The following PTPRD variants were observed in gnomAD, a reference collection of about 807,000 sequenced individuals.
The protein encoded by PTPRD is protein tyrosine phosphatase receptor type D.
PTPRD carries 34 observed loss-of-function variants against 214.5 expected under a neutral mutation model. That is an observed-to-expected ratio of 0.16 (90% CI 0.12 to 0.21). The LOEUF (loss-of-function observed/expected upper bound fraction) is 0.21. PTPRD is among the 10% of genes least tolerant of loss of function. The pLI, the probability that PTPRD is intolerant of heterozygous loss-of-function variation, is 1.00. For missense variants in PTPRD, 2,545 were observed against 2,398.7 expected (o/e 1.06, Z -1.27); for synonymous variants, 1,128 against 845.7 (o/e 1.33, Z -5.79).
chr9:9,944,427 G>A (rs185083731), intron 4 of PTPRD, among the ~76,000 whole-genome samples: 3 of 152,008 alleles, frequency 2.0e-5, no homozygotes, highest in Non-Finnish European at 2.9e-5. Flanking sequence ...CAAATAAAAT[G>A]CACACACATT....
At chr9:9,386,315 C>T (rs2063851374) in intron 9 of PTPRD, among the ~76,000 whole-genome samples, 1 of 152,054 alleles carries the variant, frequency 6.6e-6, no homozygotes, top group South Asian at 2.1e-4. Flanking sequence ...TGCTAAAATG[C>T]CTCACATTGA....
intron 7 of PTPRD, among the ~76,000 whole-genome samples, chr9:9,646,302 G>GGTGTGTGTGTGTGTGGGTGT (rs1564282555): frequency 1.4e-5 from 2 of 142,404 alleles, no homozygotes; most frequent in African/African-American, 5.4e-5. Context: ...TTTTGGGAGG[G>GGTGTGTGTGTGTGTGGGTGT]GTGTGTGTGT....
At chr9:9,687,881 C>A (rs2803367) in intron 7 of PTPRD, among the ~76,000 whole-genome samples, 22,432 of 151,702 alleles carry the variant, frequency 0.15, 1,971 homozygotes, top group East Asian at 0.21. Flanking sequence ...CCCCACCCAA[C>A]TCTTATCTCG....
At chr9:8,647,092 T>C (rs894057629) in intron 12 of PTPRD, among the ~76,000 whole-genome samples, 2 of 152,300 alleles carry the variant, frequency 1.3e-5, no homozygotes, top group African/African-American at 4.8e-5. Flanking sequence ...AGCTGGCAAA[T>C]GTAGCACAGC....
Position 8,315,939 on chromosome 9 carries a change from CATATAT to C in PTPRD, c.*1929_*1934del, listed in dbSNP as rs4008232. On this transcript the variant is annotated 3_prime_UTR_variant, in exon 46 of 46. Coordinates refer to ENST00000381196, the MANE Select transcript of PTPRD (RefSeq NM_002839.4). ...TGTTGGAAGAATTGGGGGTAAGATA[CATATAT>C]ATATATAGTTTATTTCCCCTTTTAG... is the stretch of plus-strand genomic sequence containing the variant. The C allele has an allele frequency of 4.5e-6, 1 of 223,150 alleles. No homozygotes were observed. Among genetic ancestry groups the C allele is most frequent in the Non-Finnish European group, 8.9e-6 (1 of 112,222 alleles). The allele number at this position is 223,150 out of a possible 1,614,324, so 13.8% of individuals were successfully genotyped here.
At chr9:10,560,072 G>T (rs1306325666) in intron 2 of PTPRD, among the ~76,000 whole-genome samples, 1 of 152,108 alleles carries the variant, frequency 6.6e-6, no homozygotes, top group East Asian at 1.9e-4. Context: ...ATACCCAAAG[G>T]ACTATAAATC....
chr9:9,312,667 G>C (rs1454327081), intron 9 of PTPRD, among the ~76,000 whole-genome samples: 1 of 152,164 alleles, frequency 6.6e-6, no homozygotes, highest in South Asian at 2.1e-4. Flanking sequence ...GTGGGTTCCT[G>C]TGTTGTGCCC....
At chr9:8,636,675 G>A (rs1227976040) in intron 13 of PTPRD, 24 bp downstream of exon 13, 2 of 1,611,066 alleles carry the variant, frequency 1.2e-6, no homozygotes, top group Admixed American at 1.7e-5. Context: ...TTCCCCCAGA[G>A]AAACAGAACA....
In PTPRD at chr9:9,703,062, G is replaced by A. The variant is rs575221454; in HGVS notation, c.-287+31471C>T. On this transcript the variant is annotated intron_variant, in intron 7 of 45. Transcript: ENST00000381196. ...GTAATCCTCATAATCCTCAGGTGTT[G>A]AGGGAAGAACTGATAAGAGGTGATT... is the stretch of plus-strand genomic sequence containing the variant. Among the ~76,000 whole-genome samples, 3 of 152,250 alleles carry A rather than the reference G, an allele frequency of 2.0e-5. No individual in the cohort carries two copies. The South Asian group carries it at 6.2e-4, about 32-fold the overall frequency.
At chr9:8,702,657 C>G (rs1481154345) in intron 12 of PTPRD, among the ~76,000 whole-genome samples, 1 of 152,126 alleles carries the variant, frequency 6.6e-6, no homozygotes, top group Non-Finnish European at 1.5e-5. Context: ...TATGTCGCCC[C>G]AGCTGGAGTG....
intron 4 of PTPRD, among the ~76,000 whole-genome samples, chr9:10,001,373 T>G (rs1257395480): frequency 6.6e-6 from 1 of 152,142 alleles, no homozygotes; most frequent in East Asian, 1.9e-4. Flanking sequence ...GTCAAAAGTT[T>G]CCCAAATTTG....
At chr9:8,807,881 A>G (rs985430268) in intron 11 of PTPRD, among the ~76,000 whole-genome samples, 1 of 152,174 alleles carries the variant, frequency 6.6e-6, no homozygotes, top group Non-Finnish European at 1.5e-5. Flanking sequence ...TGGCGAGACA[A>G]GGCAAAATGG....
At chr9:10,105,069 C>G in intron 3 of PTPRD, among the ~76,000 whole-genome samples, 1 of 151,938 alleles carries the variant, frequency 6.6e-6, no homozygotes, top group African/African-American at 2.4e-5. Flanking sequence ...CTTTCCTGAA[C>G]TAGCCTTTGT....
At chr9:8,815,991 G>C (rs867094963) in intron 11 of PTPRD, among the ~76,000 whole-genome samples, 1 of 152,156 alleles carries the variant, frequency 6.6e-6, no homozygotes, top group East Asian at 1.9e-4. Context: ...TAACAGAGCA[G>C]ACATTTACCC....
At chr9:8,986,917 C>T (rs1270021215) in intron 11 of PTPRD, among the ~76,000 whole-genome samples, 1 of 152,006 alleles carries the variant, frequency 6.6e-6, no homozygotes. Flanking sequence ...TTGTCTGTCT[C>T]TGAGGACTAA....
rs924867817 is a variant in PTPRD, at chr9:8,425,219, G to A, written c.4086+11373C>T. On this transcript the variant is annotated intron_variant, in intron 35 of 45. Coordinates refer to ENST00000381196, the MANE Select transcript of PTPRD (RefSeq NM_002839.4). ...GGCAGCCTTGTTCCAATCTCTTCTT[G>A]CAGCATTGTTAAAATTTTCCCCGAA... 3.3e-5 allele frequency among the ~76,000 whole-genome samples: 5 copies of A among 152,120 alleles called. No individual in the cohort carries two copies. The East Asian group carries it at 5.8e-4, about 18-fold the overall frequency.
rs145987530 is a variant in PTPRD at position 9,863,916 on chromosome 9, T to G, written c.-368+74591A>C. ...ACCTGATCCCTGTCCAGTCTCTGAA[T>G]TTTGCAGTTATGTGAGTTATTTTGA... is the stretch of plus-strand genomic sequence containing the variant. On this transcript the variant is annotated intron_variant, in intron 5 of 45. Coordinates refer to ENST00000381196, the MANE Select transcript of PTPRD (RefSeq NM_002839.4). 7.3e-3 allele frequency among the ~76,000 whole-genome samples: 1,110 copies of G among 152,226 alleles called. 17 individuals are homozygous for G. Among genetic ancestry groups the G allele is most frequent in the African/African-American group, 0.025 (1,056 of 41,528 alleles).
intron 8 of PTPRD, among the ~76,000 whole-genome samples, chr9:9,511,471 A>G (rs2096707525): frequency 6.6e-6 from 1 of 151,750 alleles, no homozygotes; most frequent in African/African-American, 2.4e-5. Flanking sequence ...GCTGATAGAA[A>G]TTTATAATAC....
intron 12 of PTPRD, among the ~76,000 whole-genome samples, chr9:8,725,936 A>T (rs894173731): frequency 6.6e-6 from 1 of 151,976 alleles, no homozygotes; most frequent in African/African-American, 2.4e-5. Flanking sequence ...AAGATAGATT[A>T]CAGGCTGGTG....
Sources: allele counts gnomAD v4.1 joint callset (sites outside exome capture counted in the v4.1 genomes callset), GRCh38; gene constraint gnomAD v4.1.1; transcripts MANE v1.5; gene names NCBI Gene and HGNC (gene_info 2026-07-23, HGNC 2026-07-21).